SIL1: variants seen among roughly 807,000 people sequenced by gnomAD.
The protein encoded by SIL1 is nucleotide exchange factor SIL1.
A neutral mutation model predicts 49.1 loss-of-function variants in SIL1; 40 were observed. The observed-to-expected ratio is 0.81, with a 90% CI of 0.63 to 1.06. The LOEUF is 1.06. SIL1 is among the 50% of genes least tolerant of loss of function. The probability of loss-of-function intolerance (pLI) is 0.00; values close to 1 mark genes in which losing one functional copy is unlikely to be tolerated. For missense variants in SIL1, 500 were observed against 572.6 expected (o/e 0.87, Z 1.29); for synonymous variants, 253 against 250.8 (o/e 1.01, Z -0.08).
chr5:139,056,878 G>A (rs994675692), intron 3 of SIL1, among the ~76,000 whole-genome samples: 1 of 152,014 alleles, frequency 6.6e-6, no homozygotes, highest in Non-Finnish European at 1.5e-5. Context: ...AATAGAAAGG[G>A]GGGAAAGGTG....
At chr5:139,059,605 AT>A (rs1769539319) in intron 3 of SIL1, among the ~76,000 whole-genome samples, 1 of 152,150 alleles carries the variant, frequency 6.6e-6, no homozygotes, top group African/African-American at 2.4e-5. Context: ...ACTTTCTCTA[AT>A]AATCTGTGCC....
intron 3 of SIL1, among the ~76,000 whole-genome samples, chr5:139,079,247 G>C (rs944092941): frequency 1.3e-5 from 2 of 152,078 alleles, no homozygotes; most frequent in African/African-American, 2.4e-5. Context: ...CCCTTTGGGG[G>C]ACTCAAATCT....
intron 1 of SIL1, among the ~76,000 whole-genome samples, chr5:139,191,023 G>A (rs1468878257): frequency 6.6e-6 from 1 of 152,010 alleles, no homozygotes; most frequent in Admixed American, 6.5e-5. Flanking sequence ...CCTGATGTCA[G>A]GAGTTCAAGA....
chr5:139,042,392 T>C (rs921423358), intron 5 of SIL1, among the ~76,000 whole-genome samples: 5 of 152,172 alleles, frequency 3.3e-5, no homozygotes, highest in African/African-American at 9.7e-5. Context: ...TTTGAAGACA[T>C]GGGATGGCAA....
At chr5:139,178,535 CCCCACCCACTG>C (rs947435237) in intron 1 of SIL1, among the ~76,000 whole-genome samples, 9 of 152,190 alleles carry the variant, frequency 5.9e-5, no homozygotes, top group African/African-American at 2.2e-4. Context: ...TCATAAAACT[CCCCACCCACTG>C]CCTGCTTCCA....
chr5:139,164,136 T>C (rs1248986393), intron 1 of SIL1, among the ~76,000 whole-genome samples: 1 of 137,340 alleles, frequency 7.3e-6, no homozygotes, highest in African/African-American at 2.9e-5. Flanking sequence ...AAAAAAAAGA[T>C]ATTATCATCT....
intron 7 of SIL1, among the ~76,000 whole-genome samples, chr5:138,963,156 C>T (rs547295215): frequency 1.3e-5 from 2 of 152,208 alleles, no homozygotes; most frequent in South Asian, 2.1e-4. Context: ...TGGGGGAGAG[C>T]GGAGGAGGCC....
At chr5:139,107,498 T>C (rs1467889412) in intron 3 of SIL1, among the ~76,000 whole-genome samples, 1 of 152,190 alleles carries the variant, frequency 6.6e-6, no homozygotes, top group Non-Finnish European at 1.5e-5. Context: ...AACTAAGAAA[T>C]TATACAACAG....
chr5:139,052,679 G>T (rs1025062662), intron 3 of SIL1, among the ~76,000 whole-genome samples: 5 of 151,758 alleles, frequency 3.3e-5, no homozygotes, highest in Non-Finnish European at 5.9e-5. Flanking sequence ...GCAAGACTCC[G>T]TCTCAAAAAA....
chr5:139,121,973 G>A (rs184451296), intron 2 of SIL1, among the ~76,000 whole-genome samples: 4 of 152,100 alleles, frequency 2.6e-5, no homozygotes, highest in Admixed American at 1.3e-4. Context: ...TTTTAAACCC[G>A]TTCTTGCAAA....
chr5:139,022,134 C>T (rs1768543350), intron 6 of SIL1: 1 of 152,282 alleles, frequency 6.6e-6, no homozygotes, highest in African/African-American at 2.4e-5. Flanking sequence ...CTACATGTAC[C>T]CGCTACAGTC....
At chr5:139,189,937 C>A (rs1752138168) in intron 1 of SIL1, among the ~76,000 whole-genome samples, 1 of 152,210 alleles carries the variant, frequency 6.6e-6, no homozygotes, top group African/African-American at 2.4e-5. Context: ...AAACTAGTCC[C>A]TAGTGCCAAA....
chr5:139,158,316 C>A (rs1751443481), intron 1 of SIL1, among the ~76,000 whole-genome samples: 1 of 152,232 alleles, frequency 6.6e-6, no homozygotes, highest in East Asian at 1.9e-4. Flanking sequence ...AATTACACAT[C>A]TTTGGGTGAG....
intron 3 of SIL1, among the ~76,000 whole-genome samples, chr5:139,107,393 C>CA (rs911590828): frequency 1.3e-4 from 19 of 149,682 alleles, no homozygotes; most frequent in African/African-American, 2.2e-4. Context: ...AGAAAAGTTG[C>CA]AAAAAAAAGA....
In SIL1 at chr5:139,062,241, C is replaced by A. The variant is rs542298477; in HGVS notation, c.245-11195G>T. ...TTTTTAAGGGAACCAAAAATGGAGA[C>A]CTTTTTTTTAAACAGCAAAATACAT... is the stretch of plus-strand genomic sequence containing the variant. On this transcript the variant is annotated intron_variant, in intron 3 of 9. Coordinates refer to ENST00000394817, the MANE Select transcript of SIL1 (RefSeq NM_022464.5). 5.9e-5 allele frequency among the ~76,000 whole-genome samples: 9 copies of A among 152,168 alleles called. No homozygotes were observed. In the East Asian group the frequency reaches 7.7e-4, roughly 13 times the overall value.
At chr5:139,031,954 T>C (rs1320394405) in intron 5 of SIL1, among the ~76,000 whole-genome samples, 1 of 152,238 alleles carries the variant, frequency 6.6e-6, no homozygotes, top group East Asian at 1.9e-4. Flanking sequence ...TTGATTTGCA[T>C]TGTCTGTATA....
At chr5:139,013,169 C>T (rs150038502) in intron 7 of SIL1, among the ~76,000 whole-genome samples, 298 of 152,262 alleles carry the variant, frequency 2.0e-3, no homozygotes, top group African/African-American at 7.0e-3. Context: ...CACCTGTCCC[C>T]AATATTTCCC....
Position 139,025,400 on chromosome 5 carries a change from G to A in SIL1, c.645+1401C>T, listed in dbSNP as rs1006006175. Reference sequence around the variant, plus strand: ...AATCTCTCTGTGCCTCATTTTCCTCGGTTATAAAATGGGATTAATAGTGGT... The same window carrying A: ...AATCTCTCTGTGCCTCATTTTCCTCAGTTATAAAATGGGATTAATAGTGGT... On this transcript the variant is annotated intron_variant, in intron 6 of 9. Transcript: ENST00000394817. 4.6e-5 allele frequency among the ~76,000 whole-genome samples: 7 copies of A among 151,960 alleles called. No individual in the cohort carries two copies. The South Asian group carries it at 6.2e-4, about 14-fold the overall frequency.
intron 1 of SIL1, among the ~76,000 whole-genome samples, chr5:139,146,545 G>A (rs1751200159): frequency 6.6e-6 from 1 of 152,134 alleles, no homozygotes; most frequent in African/African-American, 2.4e-5. Context: ...GTGACAGGGT[G>A]AGACTCTGTT....
Sources: gnomAD v4.1 joint callset for allele counts (sites outside exome capture counted in the v4.1 genomes callset) on GRCh38, gnomAD v4.1.1 for gene constraint, MANE v1.5 for transcripts, NCBI Gene and HGNC (gene_info 2026-07-23, HGNC 2026-07-21) for gene names.